Variants in HEMK2 observed in about 807,000 individuals in gnomAD.
HEMK2 encodes methyltransferase HEMK2.
the HEMK2 span, among the ~76,000 whole-genome samples, chr21:28,845,302 C>G: frequency 6.6e-6 from 1 of 152,138 alleles, no homozygotes; most frequent in East Asian, 1.9e-4. Flanking sequence ...ATTTTTATTC[C>G]TTTCCCAACC....
the HEMK2 span, among the ~76,000 whole-genome samples, chr21:28,699,827 C>G: frequency 1.3e-5 from 2 of 152,058 alleles, no homozygotes. Flanking sequence ...TCGTCATGCC[C>G]CATGAAATGG....
the HEMK2 span, among the ~76,000 whole-genome samples, chr21:28,766,620 A>G: frequency 6.6e-6 from 1 of 152,048 alleles, no homozygotes; most frequent in South Asian, 2.1e-4. Context: ...CCATCAACCA[A>G]CGAATAGATA....
At chr21:28,735,278 C>T in the HEMK2 span, among the ~76,000 whole-genome samples, 3 of 152,156 alleles carry the variant, frequency 2.0e-5, no homozygotes, top group African/African-American at 7.2e-5. Flanking sequence ...CCCTGGGTAT[C>T]ATAAGGCTGA....
At chr21:28,683,306 T>C in the HEMK2 span, among the ~76,000 whole-genome samples, 1 of 152,112 alleles carries the variant, frequency 6.6e-6, no homozygotes, top group Non-Finnish European at 1.5e-5. Flanking sequence ...AGATGAACAA[T>C]ATTCATAAAG....
chr21:28,867,687 G>T, the HEMK2 span, among the ~76,000 whole-genome samples: 1 of 152,110 alleles, frequency 6.6e-6, no homozygotes, highest in South Asian at 2.1e-4. Context: ...AAGTCTTATG[G>T]GGGTAACATG....
the HEMK2 span, among the ~76,000 whole-genome samples, chr21:28,591,976 T>C: frequency 2.0e-5 from 3 of 152,214 alleles, no homozygotes; most frequent in African/African-American, 2.4e-5. Context: ...GTTGATTCTA[T>C]GTCTTTGCTA....
At chr21:28,758,018 C>T in the HEMK2 span, among the ~76,000 whole-genome samples, 2 of 152,128 alleles carry the variant, frequency 1.3e-5, no homozygotes, top group African/African-American at 2.4e-5. Context: ...TTTAAATATG[C>T]ATTCTCAGTA....
the HEMK2 span, chr21:28,874,655 C>A: frequency 6.6e-6 from 1 of 152,218 alleles, no homozygotes; most frequent in Non-Finnish European, 1.5e-5. Context: ...TTATCTTGTC[C>A]ACTTTATTAA....
the HEMK2 span, among the ~76,000 whole-genome samples, chr21:28,831,459 G>GAAAGAAAAGAAAGA: frequency 8.1e-4 from 25 of 31,024 alleles, no homozygotes; most frequent in Admixed American, 2.3e-3. Context: ...AGAAAGAAAA[G>GAAAGAAAAGAAAGA]AACGAAAGAA....
At chr21:28,818,234 G>A in the HEMK2 span, among the ~76,000 whole-genome samples, 1 of 152,080 alleles carries the variant, frequency 6.6e-6, no homozygotes, top group African/African-American at 2.4e-5. Flanking sequence ...CTCCCGTGCT[G>A]GATGCTTCTT....
chr21:28,768,264 C>G, the HEMK2 span, among the ~76,000 whole-genome samples: 1 of 152,094 alleles, frequency 6.6e-6, no homozygotes. Context: ...TCTACCTAAC[C>G]TAACTCTTGA....
chr21:28,659,837 T>C, the HEMK2 span, among the ~76,000 whole-genome samples: 1 of 152,092 alleles, frequency 6.6e-6, no homozygotes, highest in Non-Finnish European at 1.5e-5. Context: ...AGAATTATCC[T>C]AACAATATAG....
chr21:28,717,973 T>G, the HEMK2 span, among the ~76,000 whole-genome samples: 1 of 152,206 alleles, frequency 6.6e-6, no homozygotes, highest in Non-Finnish European at 1.5e-5. Flanking sequence ...TGGTAGCTTT[T>G]TAGTTTGTTC....
the HEMK2 span, among the ~76,000 whole-genome samples, chr21:28,803,232 C>G: frequency 5.1e-3 from 781 of 152,290 alleles, 4 homozygotes; most frequent in African/African-American, 0.018. Context: ...CTGTTGGTTC[C>G]TAAGCAATTA....
At chr21:28,720,855 T>G in the HEMK2 span, among the ~76,000 whole-genome samples, 1 of 152,180 alleles carries the variant, frequency 6.6e-6, no homozygotes, top group Non-Finnish European at 1.5e-5. Flanking sequence ...CAGACAAACT[T>G]GTACCTCTTC....
the HEMK2 span, among the ~76,000 whole-genome samples, chr21:28,781,141 A>G: frequency 6.6e-6 from 1 of 152,140 alleles, no homozygotes; most frequent in African/African-American, 2.4e-5. Context: ...GAGTACATGC[A>G]CCCAGGGCCA....
chr21:28,736,793 TAA>T, the HEMK2 span, among the ~76,000 whole-genome samples: 48 of 141,590 alleles, frequency 3.4e-4, no homozygotes, highest in East Asian at 8.1e-4. Flanking sequence ...TGGATACAAT[TAA>T]AAAAAAAAAA....
At chr21:28,848,708 T>A in the HEMK2 span, among the ~76,000 whole-genome samples, 3 of 152,224 alleles carry the variant, frequency 2.0e-5, no homozygotes, top group Admixed American at 2.0e-4. Flanking sequence ...TGTGTTGTTA[T>A]AACAGATTAT....
At chr21:28,732,585 A>G in the HEMK2 span, among the ~76,000 whole-genome samples, 6 of 152,310 alleles carry the variant, frequency 3.9e-5, no homozygotes, top group East Asian at 1.2e-3. Context: ...TCCCTCGCCC[A>G]GAAAAAAAGA....
Sources: allele counts gnomAD v4.1 joint callset (sites outside exome capture counted in the v4.1 genomes callset), GRCh38; gene constraint gnomAD v4.1.1; transcripts MANE v1.5; gene names NCBI Gene and HGNC (gene_info 2026-07-23, HGNC 2026-07-21).